The following USP33 variants were observed in gnomAD, a reference collection of about 807,000 sequenced individuals.
The protein encoded by USP33 is ubiquitin carboxyl-terminal hydrolase 33.
A neutral mutation model predicts 124.2 loss-of-function variants in USP33; 46 were observed. The observed-to-expected ratio is 0.37, with a 90% confidence interval of 0.29 to 0.47. USP33 has a LOEUF of 0.47. USP33 is among the 20% of genes least tolerant of loss of function. The pLI, the probability that USP33 is intolerant of heterozygous loss-of-function variation, is 0.99. For synonymous variants in USP33, 350 were observed against 352.3 expected, an observed-to-expected ratio of 0.99 and a Z score of 0.07; for missense variants, 851 against 1,070.6, an observed-to-expected ratio of 0.79 and a Z score of 2.86.
intron 10 of USP33, among the ~76,000 whole-genome samples, chr1:77,727,348 A>C (rs1336351327): frequency 6.6e-6 from 1 of 152,228 alleles, no homozygotes; most frequent in African/African-American, 2.4e-5. Context: ...TATGTCCCTA[A>C]TCAGGCTTAA....
At chr1:77,738,691 AG>A (rs1678766318) in intron 5 of USP33, among the ~76,000 whole-genome samples, 1 of 152,168 alleles carries the variant, frequency 6.6e-6, no homozygotes, top group Admixed American at 6.5e-5. Context: ...CATGTTAGCC[AG>A]GATGGTCTCG....
intron 10 of USP33, 54 bp from the exon 11 acceptor site, chr1:77,725,816 G>C (rs1677098278): frequency 2.8e-6 from 4 of 1,444,126 alleles, no homozygotes; most frequent in Non-Finnish European, 3.8e-6. Flanking sequence ...TATTCTAACT[G>C]TCCAATAATG....
At chr1:77,734,466 C>CCCCTAAAATTGAG in intron 6 of USP33, 50 bp from the exon 7 acceptor site, 1 of 1,243,614 alleles carries the variant, frequency 8.0e-7, no homozygotes, top group Non-Finnish European at 1.1e-6. Context: ...TGCAAAATGA[C>CCCCTAAAATTGAG]TCAATTTTAG....
intron 1 of USP33, among the ~76,000 whole-genome samples, chr1:77,749,673 C>T (rs1198018834): frequency 2.0e-5 from 3 of 152,180 alleles, no homozygotes; most frequent in Non-Finnish European, 4.4e-5. Flanking sequence ...TGAATCACTG[C>T]ACCCAGCCTG....
chr1:77,734,652 C>A (rs1203875528), intron 6 of USP33, among the ~76,000 whole-genome samples: 1 of 152,176 alleles, frequency 6.6e-6, no homozygotes, highest in African/African-American at 2.4e-5. Flanking sequence ...GAAGAACAGT[C>A]TTTCCTATTA....
At chr1:77,729,778 G>A (rs950528928) in intron 9 of USP33, 82 bp downstream of exon 9, 13 of 1,337,086 alleles carry the variant, frequency 9.7e-6, no homozygotes, top group Non-Finnish European at 1.4e-5. Context: ...GACCCCAAAA[G>A]ATAAGTAGAC....
Position 77,721,076 on chromosome 1 carries a change from T to C in USP33, c.1691+96A>G, listed in dbSNP as rs1676511578. 11 of 1,370,102 alleles carry C rather than the reference T, an allele frequency of 8.0e-6. No homozygotes were observed. In the East Asian group the frequency reaches 2.6e-4, roughly 32 times the overall value. The allele number at this position is 1,370,102 out of a possible 1,614,324, so 84.9% of individuals were successfully genotyped here. Reference sequence around the variant, plus strand: ...GATAAACCTTTCTGGCCTACATTTTTCTAAATACAGTGGCAAATTTAACTC... The same window carrying C: ...GATAAACCTTTCTGGCCTACATTTTCCTAAATACAGTGGCAAATTTAACTC... On this transcript the variant is annotated intron_variant, in intron 15 of 23. Coordinates refer to ENST00000370794, the MANE Select transcript of USP33 (RefSeq NM_201624.3).
chr1:77,711,770 T>C lies in USP33; in HGVS notation c.2383A>G (p.Thr795Ala). 1 of 1,609,166 alleles carries C rather than the reference T, an allele frequency of 6.2e-7. No individual in the cohort carries two copies. Among genetic ancestry groups the C allele is most frequent in the Non-Finnish European group, 8.5e-7 (1 of 1,178,910 alleles). The change falls in exon 21 of 24, where the codon ACT (threonine) becomes GCT (alanine). Residue 795 changes from threonine to alanine, a missense_variant. By Grantham distance (58) the Thr-to-Ala change is moderately conservative. Coordinates refer to ENST00000370794, the MANE Select transcript of USP33 (RefSeq NM_201624.3). Reference protein sequence around the residue: ...EAEKIEKRRKTELEIFIRLNR... With the variant: ...EAEKIEKRRKAELEIFIRLNR... The stretch of plus-strand genomic sequence containing the variant: ...ACCCGAATAAAAATTTCCAATTCAG[T>C]TTTTCTTCTTTTTTCAATTTTCTCC...
Position 77,740,902 on chromosome 1 carries a change from A to G in USP33, c.173T>C (p.Val58Ala), listed in dbSNP as rs1679047682. ...CTGAGAATGTATGGTGCTGTGATCT[A>G]CTTGTGATTCACCACAGCCAACATA... ...CSYVGCGESQ[V>A]DHSTIHSQET... is the part of the protein sequence containing the mutation. The change falls in exon 4 of 24, where the codon GTA (valine) becomes GCA (alanine). Residue 58 changes from valine (V) to alanine (A), a missense_variant. Val to Ala is a moderately conservative substitution (Grantham distance 64, BLOSUM62 0). Coordinates refer to ENST00000370794, the MANE Select transcript of USP33 (RefSeq NM_201624.3). 10 of 1,568,852 alleles carry G rather than the reference A, an allele frequency of 6.4e-6. No individual in the cohort carries two copies. The highest frequency in any genetic ancestry group is 7.8e-6 in the Non-Finnish European group (9 of 1,154,256).
intron 9 of USP33, among the ~76,000 whole-genome samples, chr1:77,729,610 G>A (rs1210772183): frequency 1.3e-5 from 2 of 152,084 alleles, no homozygotes; most frequent in African/African-American, 4.8e-5. Context: ...GGTGGAGGTT[G>A]CAGTGAGCCA....
At chr1:77,701,529 A>G in intron 21 of USP33, 58 bp from the exon 22 acceptor site, 1 of 1,352,586 alleles carries the variant, frequency 7.4e-7, no homozygotes. Flanking sequence ...ATGGCAAAAC[A>G]ATACCATCAT....
chr1:77,736,173 AAGAT>A lies in USP33; in HGVS notation c.352-19_352-16del, dbSNP rs1159669253. On this transcript the variant is annotated splice_polypyrimidine_tract_variant and intron_variant, in intron 5 of 23. Coordinates refer to ENST00000370794, the MANE Select transcript of USP33 (RefSeq NM_201624.3). ...ATTTTAAAATCCTTGATAACAAAAA[AAGAT>A]AGCACACTTGAACAAATCCTTAAAT... The A allele has an allele frequency of 3.2e-6, 5 of 1,551,478 alleles. No homozygotes were observed. Among genetic ancestry groups the A allele is most frequent in the Non-Finnish European group, 4.4e-6 (5 of 1,129,582 alleles).
chr1:77,715,309 C>G (rs371512694), intron 18 of USP33, among the ~76,000 whole-genome samples: 1 of 152,056 alleles, frequency 6.6e-6, no homozygotes. Flanking sequence ...CGGGTTCAAG[C>G]GATTCTCCTG....
At chr1:77,754,771 C>A (rs915909792) in intron 1 of USP33, among the ~76,000 whole-genome samples, 6 of 152,140 alleles carry the variant, frequency 3.9e-5, no homozygotes, top group Non-Finnish European at 7.3e-5. Context: ...AAAAGAAATA[C>A]GCAGTCTTCT....
At position 77,697,849 on chromosome 1, in the gene USP33, C is replaced by T. The variant is rs146188497; in HGVS notation, c.2578+14G>A. ...TCACTCACAAGTAAAAGCTTAAATA[C>T]GAGTCAAACTTACCTTGCCTAAGCA... On this transcript the variant is annotated intron_variant, in intron 23 of 23. Coordinates refer to ENST00000370794, the MANE Select transcript of USP33 (RefSeq NM_201624.3). The T allele has an allele frequency of 1.1e-4, 179 of 1,597,100 alleles. No individual in the cohort carries two copies. Among genetic ancestry groups the T allele is most frequent in the African/African-American group, 9.0e-4 (67 of 74,072 alleles).
intron 11 of USP33, among the ~76,000 whole-genome samples, chr1:77,723,679 T>G (rs1205001042): frequency 1.3e-5 from 2 of 152,214 alleles, no homozygotes; most frequent in Non-Finnish European, 2.9e-5. Flanking sequence ...GTTTTTTTGT[T>G]TTGAGGTGGA....
intron 7 of USP33, among the ~76,000 whole-genome samples, chr1:77,731,829 C>A (rs145578231): frequency 6.6e-6 from 1 of 152,132 alleles, no homozygotes; most frequent in African/African-American, 2.4e-5. Flanking sequence ...CCCTGCCAGG[C>A]ATGGTTGGTC....
Position 77,741,678 on chromosome 1 carries a change from T to G in USP33, c.20A>C (p.His7Pro). The G allele has an allele frequency of 4.4e-6, 7 of 1,605,750 alleles. No individual in the cohort carries two copies. The highest frequency in any genetic ancestry group is 5.9e-6 in the Non-Finnish European group (7 of 1,176,918). The change falls in exon 2 of 24, where the codon CAT (histidine) becomes CCT (proline). Residue 7 changes from histidine to proline, a missense_variant. Physicochemically the swap from His to Pro is moderately conservative, Grantham distance 77. Coordinates refer to ENST00000370794, the MANE Select transcript of USP33 (RefSeq NM_201624.3). ...ACCAACTGAATCCAAATGTGGACAA[T>G]GATTTCGAAAAGCTGACATTTTGTT... MSAFRN[H>P]CPHLDSVGEI...
chr1:77,730,868 C>G, intron 7 of USP33, 137 bp from the exon 8 acceptor site: 1 of 506,916 alleles, frequency 2.0e-6, no homozygotes, highest in Non-Finnish European at 3.3e-6. Context: ...GCTTCACTTT[C>G]ATTCCTTCAT....
Sources: gnomAD v4.1 joint callset for allele counts (sites outside exome capture counted in the v4.1 genomes callset) on GRCh38, gnomAD v4.1.1 for gene constraint, MANE v1.5 for transcripts, NCBI Gene and HGNC (gene_info 2026-07-23, HGNC 2026-07-21) for gene names.